The following EEPD1 variants were observed in gnomAD, a reference collection of about 807,000 sequenced individuals.
EEPD1 encodes endonuclease/exonuclease/phosphatase family domain-containing protein 1.
In EEPD1, 17 loss-of-function variants were observed where a neutral mutation model predicts 46.3. The observed-to-expected ratio is 0.37, with a 90% CI of 0.25 to 0.55. The LOEUF (loss-of-function observed/expected upper bound fraction) is 0.55. Among genes scored for constraint, EEPD1 ranks in the 20% least tolerant of loss-of-function variants. The pLI is 0.83. For missense variants in EEPD1, 673 were observed against 745.6 expected, an observed-to-expected ratio of 0.90 and a Z score of 1.13; for synonymous variants, 313 against 315.6, an observed-to-expected ratio of 0.99 and a Z score of 0.09.
At chr7:36,231,367 G>C (rs1414227156) in intron 2 of EEPD1, among the ~76,000 whole-genome samples, 1 of 152,184 alleles carries the variant, frequency 6.6e-6, no homozygotes, top group Non-Finnish European at 1.5e-5. Flanking sequence ...ATTGCTATCA[G>C]CTGCTTTTGT....
At chr7:36,183,558 T>C (rs1454315577) in intron 2 of EEPD1, among the ~76,000 whole-genome samples, 1 of 152,198 alleles carries the variant, frequency 6.6e-6, no homozygotes, top group Non-Finnish European at 1.5e-5. Context: ...GAATAACTAT[T>C]ATGTTTTTGT....
chr7:36,210,590 C>G (rs1434511681), intron 2 of EEPD1, among the ~76,000 whole-genome samples: 1 of 152,186 alleles, frequency 6.6e-6, no homozygotes, highest in East Asian at 1.9e-4. Context: ...GAGCCCTTCC[C>G]TGGGACCTGT....
At chr7:36,259,464 CAT>C (rs1491399028) in intron 3 of EEPD1, among the ~76,000 whole-genome samples, 1 of 152,116 alleles carries the variant, frequency 6.6e-6, no homozygotes, top group Non-Finnish European at 1.5e-5. Context: ...TGCATCTATA[CAT>C]GTTACACCTT....
At chr7:36,232,174 GTTT>G (rs66528116) in intron 2 of EEPD1, among the ~76,000 whole-genome samples, 1 of 140,900 alleles carries the variant, frequency 7.1e-6, no homozygotes. Flanking sequence ...TATGTTGCTG[GTTT>G]TTTTTTTTTT....
intron 2 of EEPD1, among the ~76,000 whole-genome samples, chr7:36,200,127 C>A (rs985072031): frequency 6.6e-6 from 1 of 151,634 alleles, no homozygotes; most frequent in Non-Finnish European, 1.5e-5. Flanking sequence ...TCTTCTCCCT[C>A]CTCCCACTCT....
At chr7:36,283,699 C>T (rs1562712258) in intron 4 of EEPD1, among the ~76,000 whole-genome samples, 1 of 152,208 alleles carries the variant, frequency 6.6e-6, no homozygotes, top group Non-Finnish European at 1.5e-5. Flanking sequence ...GCATACAATA[C>T]ATTCATTCCC....
chr7:36,155,238 A>G (rs1233148838), intron 2 of EEPD1, 36 bp downstream of exon 2: 2 of 1,497,306 alleles, frequency 1.3e-6, no homozygotes, highest in African/African-American at 2.8e-5. Flanking sequence ...TTGGGTGTGA[A>G]GGCAACTTGT....
At chr7:36,197,529 A>G (rs544168899) in intron 2 of EEPD1, among the ~76,000 whole-genome samples, 3 of 152,332 alleles carry the variant, frequency 2.0e-5, no homozygotes, top group Non-Finnish European at 4.4e-5. Context: ...CTGTGTAGAA[A>G]GAGGTAGACA....
In EEPD1 at chr7:36,197,241, G is replaced by C. The variant is rs568508893; in HGVS notation, c.879-41744G>C. ...CAGCCACCCCGTCCGGGAGGGAGGT[G>C]GGGGGGTCAGGCCCCCGCCCGGGCA... On this transcript the variant is annotated intron_variant, in intron 2 of 7. Transcript: ENST00000242108. Among the ~76,000 whole-genome samples, 5 of 147,808 alleles carry C rather than the reference G, an allele frequency of 3.4e-5. No homozygotes were observed. The South Asian group carries it at 8.6e-4, about 25-fold the overall frequency.
rs1583796005 is a variant in EEPD1, at chr7:36,187,600, T to G, written c.878+32398T>G. Among the ~76,000 whole-genome samples, 3 of 152,244 alleles carry G rather than the reference T, an allele frequency of 2.0e-5. No individual in the cohort carries two copies. The East Asian group carries it at 5.8e-4, about 29-fold the overall frequency. ...GATTTCCTTCCTTTTTAAGGCCTGA[T>G]AATATTTCATTGTATGTATACCCCA... On this transcript the variant is annotated intron_variant, in intron 2 of 7. Transcript: ENST00000242108.
Position 36,154,477 on chromosome 7 carries a change from G to T in EEPD1, c.153G>T (p.Met51Ile). The T allele has an allele frequency of 6.2e-7, 1 of 1,614,238 alleles. No individual in the cohort carries two copies. The highest frequency in any genetic ancestry group is 1.1e-5 in the South Asian group (1 of 91,088). Residue 51 changes from methionine (M) to isoleucine (I), a missense_variant, in exon 2 of 8, where the codon ATG becomes ATT. Coordinates refer to ENST00000242108, the MANE Select transcript of EEPD1 (RefSeq NM_030636.3). The surrounding 1 kb of genome is among the most constrained non-coding windows in gnomAD (Gnocchi z 4.2). ...NINTATEEEL[M>I]TLPGVTRAVA... Reference sequence around the variant, plus strand: ...ACACTGCCACGGAGGAGGAGCTGATGACCCTGCCTGGGGTGACGCGTGCCG... The same window carrying T: ...ACACTGCCACGGAGGAGGAGCTGATTACCCTGCCTGGGGTGACGCGTGCCG...
intron 2 of EEPD1, among the ~76,000 whole-genome samples, chr7:36,164,657 A>G (rs1784953509): frequency 6.6e-6 from 1 of 152,216 alleles, no homozygotes; most frequent in Admixed American, 6.5e-5. Context: ...CCTCTAGGAG[A>G]TTGACTGAAA....
At chr7:36,268,716 A>T (rs1379454506) in intron 3 of EEPD1, among the ~76,000 whole-genome samples, 1 of 152,140 alleles carries the variant, frequency 6.6e-6, no homozygotes, top group Non-Finnish European at 1.5e-5. Flanking sequence ...GGCCTGAGGG[A>T]GCAGCCCAGT....
intron 2 of EEPD1, among the ~76,000 whole-genome samples, chr7:36,163,883 G>GA (rs11411037): frequency 0.54 from 59,700 of 110,890 alleles, 13,917 homozygotes; most frequent in Middle Eastern, 0.6. Flanking sequence ...ATCTCAGGAA[G>GA]AAAAAAAAAA....
chr7:36,191,191 T>C (rs1046153407), intron 2 of EEPD1, among the ~76,000 whole-genome samples: 31 of 152,230 alleles, frequency 2.0e-4, no homozygotes, highest in African/African-American at 7.0e-4. Context: ...AGCATTGTTA[T>C]CTTGGATGAC....
chr7:36,161,887 C>G (rs1250559502), intron 2 of EEPD1, among the ~76,000 whole-genome samples: 1 of 120,908 alleles, frequency 8.3e-6, no homozygotes, highest in Non-Finnish European at 1.7e-5. Context: ...GAGTGAGACC[C>G]TGTCTCTCTC....
At chr7:36,244,271 A>AGGTC (rs568422166) in intron 3 of EEPD1, among the ~76,000 whole-genome samples, 207 of 152,230 alleles carry the variant, frequency 1.4e-3, no homozygotes, top group African/African-American at 4.9e-3. Context: ...GGGGACCTGC[A>AGGTC]CAGGCCTCCT....
chr7:36,198,342 G>GAATAAAAAAAAAAAAAAAAAA (rs1785647222), intron 2 of EEPD1, among the ~76,000 whole-genome samples: 1 of 33,102 alleles, frequency 3.0e-5, no homozygotes, highest in Non-Finnish European at 5.5e-5. Flanking sequence ...AAAAAGAAAA[G>GAATAAAAAAAAAAAAAAAAAA]AAAAAAAAAA....
chr7:36,261,753 A>T (rs939367769), intron 3 of EEPD1, among the ~76,000 whole-genome samples: 2 of 152,214 alleles, frequency 1.3e-5, no homozygotes, highest in Non-Finnish European at 2.9e-5. Context: ...TGCTAAACAC[A>T]TTTATGCTCG....
Sources: gnomAD v4.1 joint callset for allele counts (sites outside exome capture counted in the v4.1 genomes callset) on GRCh38, gnomAD v4.1.1 for gene constraint, Gnocchi (gnomAD v3.1) non-coding constraint, MANE v1.5 for transcripts, NCBI Gene and HGNC (gene_info 2026-07-23, HGNC 2026-07-21) for gene names.